Variants in GBF1 observed in about 807,000 individuals in gnomAD.
The protein encoded by GBF1 is Golgi-specific brefeldin A-resistance guanine nucleotide exchange factor 1.
Under a neutral mutation model 210.5 loss-of-function variants are expected in GBF1, and 114 were observed. The observed-to-expected ratio is 0.54, with a 90% CI of 0.47 to 0.63. GBF1 has a LOEUF of 0.63. Ranked by LOEUF, GBF1 falls within the 30% of genes least tolerant of loss-of-function variation. GBF1 has a pLI of 0.00. For synonymous variants in GBF1, 850 were observed against 889.2 expected (o/e 0.96, Z 0.78); for missense variants, 1,851 against 2,357.7 (o/e 0.79, Z 4.45).
rs775133239 is a variant in GBF1 at position 102,365,546 on chromosome 10, T to C, written c.2256T>C (p.Ile752=). The change falls in exon 18 of 40, where the codon ATT becomes ATC. Residue 752 remains isoleucine (I), a synonymous_variant. Coordinates refer to ENST00000369983, the MANE Select transcript of GBF1 (RefSeq NM_001377137.1). ...RENPRLDKKM[I]GEFVSDRKNI... ...ACCCTCGGCTGGACAAGAAGATGAT[T>C]GGAGAGTTTGTGAGTGACCGCAAAA... The C allele has an allele frequency of 1.9e-6, 3 of 1,614,136 alleles. No individual in the cohort carries two copies. The highest frequency in any genetic ancestry group is 2.5e-6 in the Non-Finnish European group (3 of 1,180,028).
At chr10:102,336,330 AAG>A (rs2134415390) in intron 3 of GBF1, among the ~76,000 whole-genome samples, 1 of 151,430 alleles carries the variant, frequency 6.6e-6, no homozygotes, top group South Asian at 2.1e-4. Context: ...AAAAAAAAGA[AAG>A]AAATGAACTG....
chr10:102,232,103 G>A, the GBF1 span: 3 of 1,459,748 alleles, frequency 2.1e-6, no homozygotes, highest in Non-Finnish European at 2.8e-6. Context: ...CTGGAGGCGA[G>A]AGAAGACACA....
At chr10:102,352,035 TG>T (rs1228536149) in intron 6 of GBF1, 84 bp downstream of exon 6, 10 of 814,800 alleles carry the variant, frequency 1.2e-5, no homozygotes, top group Non-Finnish European at 1.7e-5. Flanking sequence ...CCCAGAGAGA[TG>T]GAAAATTCAG....
chr10:102,300,950 A>G (rs2077283727), intron 3 of GBF1, among the ~76,000 whole-genome samples: 1 of 149,056 alleles, frequency 6.7e-6, no homozygotes, highest in Non-Finnish European at 1.5e-5. Flanking sequence ...GGTTTAAAAT[A>G]TATAAGAGAA....
In GBF1 at chr10:102,344,329, G is replaced by C. The variant is rs922564372; in HGVS notation, c.295+147G>C. The stretch of plus-strand genomic sequence containing the variant: ...GTAGAAGAGAAATAGGATTGTTGTT[G>C]GTTATTCATCATGCTAGCTGACTCA... On this transcript the variant is annotated intron_variant, in intron 4 of 39. Coordinates refer to ENST00000369983, the MANE Select transcript of GBF1 (RefSeq NM_001377137.1). 1.0e-4 allele frequency: 73 copies of C among 721,664 alleles called. No homozygotes were observed. The Admixed American group carries it at 1.1e-3, about 11-fold the overall frequency. 44.7% of individuals were successfully genotyped at this position (721,664 alleles called of 1,614,324 possible).
chr10:102,266,123 C>T (rs550066716), intron 3 of GBF1, among the ~76,000 whole-genome samples: 2 of 152,160 alleles, frequency 1.3e-5, no homozygotes, highest in South Asian at 2.1e-4. Context: ...CCTGTAGTCC[C>T]AGCTACTCGG....
chr10:102,230,977 G>C, the GBF1 span: 1 of 1,607,198 alleles, frequency 6.2e-7, no homozygotes, highest in Non-Finnish European at 8.5e-7. Flanking sequence ...CGAGTAGCCG[G>C]GGTACACCTC....
intron 33 of GBF1, among the ~76,000 whole-genome samples, chr10:102,377,499 G>A (rs1195399873): frequency 1.3e-5 from 2 of 151,986 alleles, no homozygotes; most frequent in African/African-American, 2.4e-5. Context: ...GACTACAGGC[G>A]CGTGCCACCA....
chr10:102,309,398 G>A (rs2133954256), intron 3 of GBF1, among the ~76,000 whole-genome samples: 1 of 152,318 alleles, frequency 6.6e-6, no homozygotes, highest in South Asian at 2.1e-4. Flanking sequence ...GGCCTTTGGG[G>A]AAATGAGTAT....
intron 17 of GBF1, among the ~76,000 whole-genome samples, chr10:102,365,014 G>A (rs1017496833): frequency 6.6e-6 from 1 of 152,174 alleles, no homozygotes; most frequent in Non-Finnish European, 1.5e-5. Context: ...ATTAAGCTAG[G>A]CAACCAAAGA....
At chr10:102,317,708 G>A (rs1003277565) in intron 3 of GBF1, among the ~76,000 whole-genome samples, 7 of 151,908 alleles carry the variant, frequency 4.6e-5, no homozygotes, top group African/African-American at 1.7e-4. Context: ...TTTTTTTAGC[G>A]CACGCAAACA....
rs778886057 is a variant in GBF1 at position 102,366,406 on chromosome 10, G to A, written c.2333G>A (p.Arg778Gln). The change falls in exon 19 of 40, where the codon CGA (arginine) becomes CAA (glutamine). Residue 778 changes from arginine to glutamine, a missense_variant. Physicochemically the swap from Arg to Gln is conservative, Grantham distance 43. This residue lies in a region of GBF1 where 80 missense variants were observed against 151.4 expected (regional missense o/e 0.53). Coordinates refer to ENST00000369983, the MANE Select transcript of GBF1 (RefSeq NM_001377137.1). This position sits in a 1 kb window ranked among gnomAD's most constrained non-coding sequence, Gnocchi z 4.0. ...AGCACCTTCAGTTTTCAGGGTCTGC[G>A]ACTGGACGAAGCCCTCCGCCTCTAC... ...FVSTFSFQGLRLDEALRLYLE... is the reference protein window; with the variant it reads ...FVSTFSFQGLQLDEALRLYLE... 11 of 1,613,824 alleles carry A rather than the reference G, an allele frequency of 6.8e-6. No homozygotes were observed. The highest frequency in any genetic ancestry group is 1.6e-4 in the Middle Eastern group (1 of 6,082).
chr10:102,345,970 G>T (rs1490581305), intron 4 of GBF1, among the ~76,000 whole-genome samples: 1 of 151,904 alleles, frequency 6.6e-6, no homozygotes, highest in Non-Finnish European at 1.5e-5. Context: ...TTTCCATAGT[G>T]TAATATAGAT....
chr10:102,376,425 G>A lies in GBF1; in HGVS notation c.4040G>A (p.Trp1347Ter). Reference protein sequence around the residue: ...ATDADVVNSGWLVVGKDDVDN... With the variant: ...ATDADVVNSG ...GATGCCGATGTGGTCAACAGTGGTT[G>A]GTTAGTGGTGAGTGACAATATGGGC... is the stretch of plus-strand genomic sequence containing the variant. The change falls in exon 31 of 40, where the codon TGG becomes TAG. Residue 1347 changes from tryptophan (W) to a stop codon, truncating the protein, a stop_gained. Transcript: ENST00000369983. LOFTEE classifies it high-confidence loss of function. The A allele has an allele frequency of 6.2e-7, 1 of 1,614,186 alleles. No individual in the cohort carries two copies. Among genetic ancestry groups the A allele is most frequent in the Non-Finnish European group, 8.5e-7 (1 of 1,180,012 alleles).
At chr10:102,276,965 TACACACACACAC>T (rs112061268) in intron 3 of GBF1, among the ~76,000 whole-genome samples, 3 of 148,648 alleles carry the variant, frequency 2.0e-5, no homozygotes, top group South Asian at 2.1e-4. Flanking sequence ...TTTTGCTACT[TACACACACACAC>T]ACACACACAC....
intron 1 of GBF1, among the ~76,000 whole-genome samples, chr10:102,258,522 A>G (rs1469740901): frequency 1.3e-5 from 2 of 149,200 alleles, no homozygotes; most frequent in Admixed American, 1.3e-4. Context: ...CTGTAATCCC[A>G]GCACTTTGGG....
In GBF1 at chr10:102,348,171, C is replaced by T. The variant is rs200008338; in HGVS notation, c.296-3085C>T. ...AGGCTGGTCTCGAACTCCTGAGCTC[C>T]GGCAATCTGCCCACCTCAGCCTCCC... is the stretch of plus-strand genomic sequence containing the variant. On this transcript the variant is annotated intron_variant, in intron 4 of 39. Transcript: ENST00000369983. 7.2e-5 allele frequency among the ~76,000 whole-genome samples: 11 copies of T among 152,098 alleles called. No individual in the cohort carries two copies. In the East Asian group the frequency reaches 1.4e-3, roughly 19 times the overall value.
chr10:102,361,947 C>A (rs545966799), intron 14 of GBF1, 35 bp downstream of exon 14: 4 of 1,362,214 alleles, frequency 2.9e-6, no homozygotes, highest in Non-Finnish European at 4.0e-6. Context: ...TAGGAAAAAA[C>A]GCATTATAAA....
chr10:102,280,751 C>G (rs1472121590), intron 3 of GBF1, among the ~76,000 whole-genome samples: 2 of 152,174 alleles, frequency 1.3e-5, no homozygotes, highest in African/African-American at 4.8e-5. Context: ...CAGGCTCTGC[C>G]CTCTGGACAG....
Sources: allele counts gnomAD v4.1 joint callset (sites outside exome capture counted in the v4.1 genomes callset), GRCh38; gene constraint gnomAD v4.1.1; regional missense constraint gnomAD v4.1.1; non-coding constraint Gnocchi (gnomAD v3.1); transcripts MANE v1.5; gene names NCBI Gene and HGNC (gene_info 2026-07-23, HGNC 2026-07-21).